The following CNIH3 variants were observed in gnomAD, a reference collection of about 807,000 sequenced individuals.
The protein encoded by CNIH3 is cornichon family AMPA receptor auxiliary protein 3, also known as protein cornichon homolog 3.
A neutral mutation model predicts 24.1 loss-of-function variants in CNIH3; 14 were observed. The observed-to-expected ratio is 0.58, with a 90% confidence interval of 0.38 to 0.91. The LOEUF (loss-of-function observed/expected upper bound fraction) is 0.91, where lower values mean the gene tolerates loss of function less well. Among genes scored for constraint, CNIH3 ranks in the 40% least tolerant of loss-of-function variants. CNIH3 has a pLI of 0.00. For missense variants in CNIH3, 178 were observed against 196.8 expected (o/e 0.90, Z 0.57); for synonymous variants, 68 against 73.8 (o/e 0.92, Z 0.40).
chr1:224,522,387 A>G (rs1678671198), intron 2 of CNIH3, among the ~76,000 whole-genome samples: 1 of 152,194 alleles, frequency 6.6e-6, no homozygotes, highest in South Asian at 2.1e-4. Context: ...TAAAATTGGG[A>G]AGGAGCTGGA....
At chr1:224,714,909 A>T (rs1688346786) in intron 3 of CNIH3, among the ~76,000 whole-genome samples, 1 of 152,224 alleles carries the variant, frequency 6.6e-6, no homozygotes, top group Non-Finnish European at 1.5e-5. Context: ...ATGAAAACCT[A>T]ATGTTCAGTC....
In CNIH3 at chr1:224,503,450, C is replaced by T. The variant is rs1231849226; in HGVS notation, n.204-12291C>T. 2.6e-5 allele frequency among the ~76,000 whole-genome samples: 4 copies of T among 152,198 alleles called. No homozygotes were observed. The East Asian group carries it at 7.7e-4, about 29-fold the overall frequency. On this transcript the variant is annotated intron_variant and non_coding_transcript_variant, in intron 1 of 5. Coordinates refer to the CNIH3 transcript ENST00000471578. Reference sequence around the variant, plus strand: ...TGACCCCACAGGCAGCCTGGACTCTCACTCTGAAACAGCCAGGTGGCTCCC... The same window carrying T: ...TGACCCCACAGGCAGCCTGGACTCTTACTCTGAAACAGCCAGGTGGCTCCC...
chr1:224,503,048 G>A (rs1443603534), intron 1 of CNIH3, among the ~76,000 whole-genome samples: 4 of 149,144 alleles, frequency 2.7e-5, no homozygotes, highest in African/African-American at 9.8e-5. Flanking sequence ...GGGAGGGAGG[G>A]AGGGAGGGAG....
intron 1 of CNIH3, among the ~76,000 whole-genome samples, chr1:224,467,983 T>G (rs1676218745): frequency 6.6e-6 from 1 of 152,148 alleles, no homozygotes; most frequent in African/African-American, 2.4e-5. Context: ...CCTTTTTTCT[T>G]TAAAAAAATC....
In CNIH3 at chr1:224,556,967, A is replaced by C. The variant is rs1680164496; in HGVS notation, n.451-9232A>C. Among the ~76,000 whole-genome samples the C allele has an allele frequency of 2.6e-5, 4 of 152,200 alleles. No homozygotes were observed. In the South Asian group the frequency reaches 8.3e-4, roughly 32 times the overall value. On this transcript the variant is annotated intron_variant and non_coding_transcript_variant, in intron 3 of 5. Transcript: ENST00000471578. ...TCCTGGACTACAAGGAGCACATTTC[A>C]GGCTCTCTGAGCAGCCTTGGTGAAG...
intron 1 of CNIH3, among the ~76,000 whole-genome samples, chr1:224,505,032 C>CCCTTCCTCCCTTCCTT (rs1677847926): frequency 2.2e-5 from 1 of 45,822 alleles, no homozygotes; most frequent in African/African-American, 1.0e-4. Flanking sequence ...CTCCCTCCCT[C>CCCTTCCTCCCTTCCTT]CCTTCCTTCC....
chr1:224,484,697 G>A (rs115007543), intron 1 of CNIH3, among the ~76,000 whole-genome samples: 166 of 152,208 alleles, frequency 1.1e-3, no homozygotes, highest in African/African-American at 3.8e-3. Flanking sequence ...GCTCTTCTCT[G>A]TGTTTCATCT....
intron 1 of CNIH3, among the ~76,000 whole-genome samples, chr1:224,506,288 C>CAG (rs368284107): frequency 6.3e-5 from 5 of 78,932 alleles, no homozygotes; most frequent in Admixed American, 5.2e-4. Context: ...CGCGCGCGCG[C>CAG]ACACACACAC....
chr1:224,483,898 C>G (rs987396119), intron 1 of CNIH3, among the ~76,000 whole-genome samples: 1 of 151,986 alleles, frequency 6.6e-6, no homozygotes, highest in Non-Finnish European at 1.5e-5. Flanking sequence ...TGGCTGGGTG[C>G]GTTGGCTCAC....
At chr1:224,486,909 G>C (rs1453639192) in intron 1 of CNIH3, among the ~76,000 whole-genome samples, 1 of 152,232 alleles carries the variant, frequency 6.6e-6, no homozygotes, top group Non-Finnish European at 1.5e-5. Flanking sequence ...GGATAGCAAA[G>C]AGTATTATCC....
chr1:224,640,648 A>T (rs1479293497), intron 1 of CNIH3, among the ~76,000 whole-genome samples: 1 of 152,184 alleles, frequency 6.6e-6, no homozygotes, highest in Non-Finnish European at 1.5e-5. Context: ...CTGTGCAGGC[A>T]GGGGCTGGAG....
At chr1:224,508,825 T>A (rs982144483) in intron 1 of CNIH3, among the ~76,000 whole-genome samples, 3 of 152,222 alleles carry the variant, frequency 2.0e-5, no homozygotes, top group African/African-American at 7.2e-5. Flanking sequence ...CAATGAGACT[T>A]TGTTTATTAA....
intron 1 of CNIH3, among the ~76,000 whole-genome samples, chr1:224,642,167 C>T (rs1429319354): frequency 1.3e-5 from 2 of 152,180 alleles, no homozygotes; most frequent in Admixed American, 6.6e-5. Flanking sequence ...TGAATATTTG[C>T]TGTATCAGGC....
intron 3 of CNIH3, among the ~76,000 whole-genome samples, chr1:224,598,538 T>A (rs1682080762): frequency 6.6e-6 from 1 of 152,202 alleles, no homozygotes; most frequent in Non-Finnish European, 1.5e-5. Context: ...TCAAACAGCA[T>A]TGCATGCTAC....
intron 3 of CNIH3, among the ~76,000 whole-genome samples, chr1:224,697,707 A>G (rs558357245): frequency 2.0e-4 from 31 of 152,334 alleles, no homozygotes; most frequent in Admixed American, 7.8e-4. Context: ...TCACCCTTCC[A>G]GGCACTCATT....
chr1:224,569,975 G>A (rs58530774), intron 4 of CNIH3, among the ~76,000 whole-genome samples: 9,818 of 151,892 alleles, frequency 0.065, 447 homozygotes, highest in East Asian at 0.21. Context: ...GTAGACATGG[G>A]GTTTCACCAT....
intron 1 of CNIH3, among the ~76,000 whole-genome samples, chr1:224,617,562 C>T (rs909650529): frequency 1.3e-4 from 20 of 152,230 alleles, no homozygotes; most frequent in South Asian, 4.1e-4. Flanking sequence ...TCTCCCGCCC[C>T]GTCCTCTCCT....
At chr1:224,457,267 CTCTCTCTCTG>C (rs1310473594) in intron 1 of CNIH3, among the ~76,000 whole-genome samples, 6 of 73,280 alleles carry the variant, frequency 8.2e-5, no homozygotes, top group South Asian at 4.9e-4. Context: ...GAGCCCTCCT[CTCTCTCTCTG>C]TGTGTGTGTG....
chr1:224,734,799 C>A (rs559683947), intron 5 of CNIH3, 93 bp downstream of exon 5: 1,295 of 1,368,572 alleles, frequency 9.5e-4, no homozygotes, highest in Non-Finnish European at 1.1e-3. Flanking sequence ...TGGGAGATGG[C>A]GTGCGAGGGT....
Sources: gnomAD v4.1 joint callset for allele counts (sites outside exome capture counted in the v4.1 genomes callset) on GRCh38, gnomAD v4.1.1 for gene constraint, MANE v1.5 for transcripts, NCBI Gene and HGNC (gene_info 2026-07-23, HGNC 2026-07-21) for gene names.